The following MPP7 variants were observed in gnomAD, a reference collection of about 807,000 sequenced individuals.
MPP7 encodes MAGUK p55 subfamily member 7.
In MPP7, 60 loss-of-function variants were observed where a neutral mutation model predicts 76.5. The ratio of observed to expected loss-of-function variants is 0.78; its 90% CI spans 0.64 to 0.97. The LOEUF (loss-of-function observed/expected upper bound fraction) is 0.97. Ranked by LOEUF, MPP7 falls within the 50% of genes least tolerant of loss-of-function variation. The pLI is 0.00. For missense variants in MPP7, 641 were observed against 694.0 expected (o/e 0.92, Z 0.86); for synonymous variants, 237 against 244.5 (o/e 0.97, Z 0.29).
intron 2 of MPP7, among the ~76,000 whole-genome samples, chr10:28,209,879 T>C (rs150763869): frequency 1.3e-5 from 2 of 152,334 alleles, no homozygotes; most frequent in Non-Finnish European, 2.9e-5. Flanking sequence ...GATTATCCTT[T>C]GAATTGGTAG....
intron 3 of MPP7, among the ~76,000 whole-genome samples, chr10:28,201,652 G>A (rs1023370919): frequency 6.6e-6 from 1 of 151,878 alleles, no homozygotes; most frequent in Non-Finnish European, 1.5e-5. Context: ...ACTCACATTC[G>A]GCTTCAGTGT....
At chr10:28,057,878 G>A in intron 15 of MPP7, 1 of 1,213,120 alleles carries the variant, frequency 8.2e-7, no homozygotes, top group Non-Finnish European at 1.0e-6. Context: ...GCTGTGGGCT[G>A]GGGATCTGCT....
chr10:28,233,813 C>T (rs962046843), intron 2 of MPP7, among the ~76,000 whole-genome samples: 2 of 151,178 alleles, frequency 1.3e-5, no homozygotes, highest in Non-Finnish European at 2.9e-5. Flanking sequence ...GAGGCAGGAG[C>T]ATCACTTGAG....
chr10:28,246,695 C>T (rs771124446), intron 1 of MPP7, among the ~76,000 whole-genome samples: 11 of 152,174 alleles, frequency 7.2e-5, no homozygotes, highest in Non-Finnish European at 1.2e-4. Flanking sequence ...AACTGCCAAA[C>T]GCTTTTAAAG....
At chr10:28,172,843 G>T (rs1330144733) in intron 3 of MPP7, among the ~76,000 whole-genome samples, 2 of 152,144 alleles carry the variant, frequency 1.3e-5, no homozygotes, top group East Asian at 3.9e-4. Context: ...TTATTGAAAT[G>T]GTTATTTTGT....
chr10:28,286,510 A>C (rs1840795285), intron 1 of MPP7, among the ~76,000 whole-genome samples: 1 of 152,212 alleles, frequency 6.6e-6, no homozygotes, highest in Non-Finnish European at 1.5e-5. Context: ...AGCTGGATGC[A>C]GTTGAGCAAC....
At chr10:28,065,162 A>G (rs978472363) in intron 13 of MPP7, among the ~76,000 whole-genome samples, 4 of 152,298 alleles carry the variant, frequency 2.6e-5, no homozygotes, top group Non-Finnish European at 4.4e-5. Flanking sequence ...GGACAGAGAA[A>G]AGATTGTTTT....
chr10:28,170,067 C>T (rs1836628158), intron 3 of MPP7, among the ~76,000 whole-genome samples: 1 of 152,060 alleles, frequency 6.6e-6, no homozygotes, highest in South Asian at 2.1e-4. Context: ...CAGTAGATAT[C>T]CATAAGTTTC....
At chr10:28,090,903 GAAGC>G (rs1167610318) in intron 11 of MPP7, among the ~76,000 whole-genome samples, 1 of 152,120 alleles carries the variant, frequency 6.6e-6, no homozygotes, top group Non-Finnish European at 1.5e-5. Flanking sequence ...AGCACTTTGG[GAAGC>G]CAAGGAAGGA....
At chr10:28,185,264 T>C (rs1564685776) in intron 3 of MPP7, among the ~76,000 whole-genome samples, 1 of 150,908 alleles carries the variant, frequency 6.6e-6, no homozygotes, top group Non-Finnish European at 1.5e-5. Flanking sequence ...ATTGTTACAT[T>C]ATTATGATAA....
intron 3 of MPP7, among the ~76,000 whole-genome samples, chr10:28,170,491 G>A (rs867494015): frequency 7.9e-5 from 12 of 151,384 alleles, no homozygotes; most frequent in Admixed American, 3.9e-4. Flanking sequence ...CTTTATCATC[G>A]CTGCCTGGAT....
At chr10:28,243,043 G>A (rs1309826852) in intron 1 of MPP7, among the ~76,000 whole-genome samples, 1 of 152,036 alleles carries the variant, frequency 6.6e-6, no homozygotes, top group Non-Finnish European at 1.5e-5. Flanking sequence ...AATGATTTGA[G>A]TTGTGAGTTA....
intron 1 of MPP7, among the ~76,000 whole-genome samples, chr10:28,276,339 T>A (rs1350995812): frequency 6.6e-6 from 1 of 152,100 alleles, no homozygotes; most frequent in Admixed American, 6.5e-5. Flanking sequence ...CCTTGTCACA[T>A]GCTTTTTACA....
intron 11 of MPP7, among the ~76,000 whole-genome samples, chr10:28,113,797 T>C (rs946834538): frequency 6.6e-6 from 1 of 151,856 alleles, no homozygotes; most frequent in Middle Eastern, 3.4e-3. Context: ...CGAGTCTGAG[T>C]TTTTAATTCA....
rs190310447 is a variant in MPP7, at chr10:28,113,904, A to C, written c.952+5747T>G. Among the ~76,000 whole-genome samples the C allele has an allele frequency of 7.9e-5, 12 of 152,284 alleles. No individual in the cohort carries two copies. The East Asian group carries it at 1.4e-3, about 17-fold the overall frequency. ...GTCGAGGGACATAAAGTTTCTTACA[A>C]GTTTCCTACTGACTTAGCATGACCT... On this transcript the variant is annotated intron_variant, in intron 11 of 16. Transcript: ENST00000683449.
intron 1 of MPP7, among the ~76,000 whole-genome samples, chr10:28,258,933 A>G (rs1217693830): frequency 6.6e-6 from 1 of 152,106 alleles, no homozygotes; most frequent in East Asian, 1.9e-4. Flanking sequence ...TTACTGCACT[A>G]AACAGCTGCT....
intron 2 of MPP7, among the ~76,000 whole-genome samples, chr10:28,225,042 C>T (rs1055448526): frequency 2.6e-5 from 4 of 152,086 alleles, no homozygotes; most frequent in African/African-American, 4.8e-5. Context: ...CAAACTAGTG[C>T]TTCCCAGGAT....
At chr10:28,178,971 C>G (rs1377842781) in intron 3 of MPP7, among the ~76,000 whole-genome samples, 1 of 151,972 alleles carries the variant, frequency 6.6e-6, no homozygotes, top group Non-Finnish European at 1.5e-5. Flanking sequence ...TCCAGAAAGG[C>G]CAATATTCAC....
rs140476472 is a variant in MPP7 at position 28,309,954 on chromosome 10, C to T, written c.-132+19975G>A. Among the ~76,000 whole-genome samples, 571 of 151,520 alleles carry T rather than the reference C, an allele frequency of 3.8e-3. 3 individuals carry two copies. The highest frequency in any genetic ancestry group is 0.013 in the African/African-American group (544 of 41,268). ...GCCCCAGAAACTGAGCAGATGCTGG[C>T]GCCATGCTCATCCAGCCTGCAGAAC... is the stretch of plus-strand genomic sequence containing the variant. On this transcript the variant is annotated intron_variant, in intron 2 of 11. Transcript: ENST00000441595.
Sources: allele counts gnomAD v4.1 joint callset (sites outside exome capture counted in the v4.1 genomes callset), GRCh38; gene constraint gnomAD v4.1.1; transcripts MANE v1.5; gene names NCBI Gene and HGNC (gene_info 2026-07-23, HGNC 2026-07-21).